Variants in GAS7 observed in about 807,000 individuals in gnomAD.
GAS7 encodes the protein growth arrest specific 7.
Under a neutral mutation model 71.1 loss-of-function variants are expected in GAS7, and 28 were observed. The ratio of observed to expected loss-of-function variants is 0.39; its 90% confidence interval spans 0.29 to 0.54. The LOEUF (loss-of-function observed/expected upper bound fraction) is 0.54, where lower values mean the gene tolerates loss of function less well. GAS7 is among the 20% of genes least tolerant of loss of function. GAS7 has a pLI of 0.62. For synonymous variants in GAS7, 258 were observed against 245.8 expected, an observed-to-expected ratio of 1.05 and a Z score of -0.46; for missense variants, 436 against 627.8, an observed-to-expected ratio of 0.69 and a Z score of 3.27.
Position 10,092,982 on chromosome 17 carries a change from G to A in GAS7, c.184-73085C>T, listed in dbSNP as rs575170872. Reference sequence around the variant, plus strand: ...TAACTTAACCACATCTGCAAAATCCGTCTTGCCATATAAGGTAAGTTCACA... The same window carrying A: ...TAACTTAACCACATCTGCAAAATCCATCTTGCCATATAAGGTAAGTTCACA... On this transcript the variant is annotated intron_variant, in intron 1 of 13. Transcript: ENST00000432992. Among the ~76,000 whole-genome samples, 30 of 152,212 alleles carry A rather than the reference G, an allele frequency of 2.0e-4. No homozygotes were observed. The South Asian group carries it at 3.1e-3, about 16-fold the overall frequency.
At chr17:10,184,731 G>T (rs187006061) in intron 1 of GAS7, among the ~76,000 whole-genome samples, 1 of 152,222 alleles carries the variant, frequency 6.6e-6, no homozygotes, top group African/African-American at 2.4e-5. Context: ...TATTCATAAT[G>T]AGCCCATTTG....
At chr17:9,948,647 C>T (rs961051262) in intron 5 of GAS7, among the ~76,000 whole-genome samples, 1 of 151,720 alleles carries the variant, frequency 6.6e-6, no homozygotes, top group African/African-American at 2.4e-5. Context: ...TGTGCCATTG[C>T]ACTCCAGCCT....
chr17:10,194,518 C>A (rs1567628169), intron 1 of GAS7, among the ~76,000 whole-genome samples: 1 of 152,202 alleles, frequency 6.6e-6, no homozygotes. Flanking sequence ...ATTTCTCAGC[C>A]TTGATGTACC....
chr17:9,996,616 T>C (rs1174990995), intron 2 of GAS7, among the ~76,000 whole-genome samples: 5 of 149,726 alleles, frequency 3.3e-5, no homozygotes, highest in Admixed American at 6.6e-5. Context: ...TGTGTATATA[T>C]ACACACATAT....
chr17:9,923,351 A>G (rs750554072), intron 11 of GAS7, among the ~76,000 whole-genome samples: 2 of 151,158 alleles, frequency 1.3e-5, no homozygotes, highest in African/African-American at 2.4e-5. Context: ...GTACAGAAAA[A>G]CAGCAAGAAA....
intron 1 of GAS7, among the ~76,000 whole-genome samples, chr17:10,142,992 G>A (rs913367503): frequency 2.1e-5 from 3 of 144,928 alleles, no homozygotes; most frequent in South Asian, 2.2e-4. Flanking sequence ...CCAACATGGC[G>A]AAACCCCATC....
chr17:9,944,816 C>T (rs1015642832), intron 6 of GAS7, among the ~76,000 whole-genome samples: 1 of 152,208 alleles, frequency 6.6e-6, no homozygotes, highest in Admixed American at 6.5e-5. Context: ...GGAAAATTAT[C>T]CAAATACTGA....
At chr17:10,003,224 G>T (rs2071340344) in intron 2 of GAS7, among the ~76,000 whole-genome samples, 1 of 152,154 alleles carries the variant, frequency 6.6e-6, no homozygotes, top group Non-Finnish European at 1.5e-5. Flanking sequence ...AAACAGAGGA[G>T]CCTGGGGGTT....
chr17:9,968,352 G>T (rs565516148), intron 4 of GAS7, among the ~76,000 whole-genome samples: 1 of 152,094 alleles, frequency 6.6e-6, no homozygotes, highest in Non-Finnish European at 1.5e-5. Context: ...GCGTCACCTC[G>T]GAGCTGGCTG....
chr17:10,045,891 A>T (rs1433662603), intron 1 of GAS7, among the ~76,000 whole-genome samples: 1 of 152,104 alleles, frequency 6.6e-6, no homozygotes, highest in Admixed American at 6.6e-5. Flanking sequence ...ATTTTTTTCG[A>T]ACTGACTTAT....
chr17:10,193,940 T>C (rs577021165), intron 1 of GAS7, among the ~76,000 whole-genome samples: 39 of 152,286 alleles, frequency 2.6e-4, no homozygotes, highest in African/African-American at 7.0e-4. Flanking sequence ...TACATGGCAA[T>C]AGATAAAACA....
At chr17:10,161,033 CT>C (rs2074251914) in intron 1 of GAS7, among the ~76,000 whole-genome samples, 1 of 151,908 alleles carries the variant, frequency 6.6e-6, no homozygotes, top group African/African-American at 2.4e-5. Flanking sequence ...TCAAGAGTGT[CT>C]GGCCTTCAGT....
chr17:10,102,069 A>C (rs927610752), intron 1 of GAS7, among the ~76,000 whole-genome samples: 1 of 152,142 alleles, frequency 6.6e-6, no homozygotes, highest in African/African-American at 2.4e-5. Flanking sequence ...GTCATTGTTT[A>C]GCTCAGAGAT....
intron 1 of GAS7, among the ~76,000 whole-genome samples, chr17:10,183,697 C>T (rs1345619121): frequency 6.6e-6 from 1 of 152,170 alleles, no homozygotes; most frequent in African/African-American, 2.4e-5. Flanking sequence ...AAAAAATTAG[C>T]CGGGCGTGGT....
chr17:10,054,779 G>A (rs779058873), intron 1 of GAS7, among the ~76,000 whole-genome samples: 2 of 152,174 alleles, frequency 1.3e-5, no homozygotes, highest in African/African-American at 2.4e-5. Flanking sequence ...CAGCTTCCAC[G>A]GGATCTGTGA....
intron 1 of GAS7, among the ~76,000 whole-genome samples, chr17:10,063,590 C>A (rs975083134): frequency 3.3e-5 from 5 of 152,178 alleles, no homozygotes; most frequent in African/African-American, 1.2e-4. Flanking sequence ...GGGCAGAGTG[C>A]ATACACTTAA....
intron 8 of GAS7, among the ~76,000 whole-genome samples, chr17:9,938,752 T>C (rs1482979339): frequency 2.0e-5 from 3 of 152,086 alleles, no homozygotes; most frequent in Non-Finnish European, 2.9e-5. Context: ...GGAAACCCGG[T>C]AACTTTTAAG....
intron 1 of GAS7, among the ~76,000 whole-genome samples, chr17:10,046,866 G>C (rs1177886525): frequency 7.9e-6 from 1 of 127,014 alleles, no homozygotes; most frequent in Non-Finnish European, 1.6e-5. Context: ...AAAGAAAAAA[G>C]AAAAGAAAAG....
rs554530800 is a variant in GAS7 at position 10,026,841 on chromosome 17, T to A, written c.184-6944A>T. 6.0e-4 allele frequency among the ~76,000 whole-genome samples: 92 copies of A among 152,314 alleles called. No homozygotes were observed. The highest frequency in any genetic ancestry group is 1.1e-3 in the Non-Finnish European group (73 of 68,016). ...AGACACAAATCATGCAACAGTGACA[T>A]CACCAGCCCCAGAGTCTGTCTCTAA... On this transcript the variant is annotated intron_variant, in intron 1 of 13. Transcript: ENST00000432992. This position sits in a 1 kb window ranked among gnomAD's most constrained non-coding sequence, Gnocchi z 4.5.
Sources: gnomAD v4.1 joint callset for allele counts (sites outside exome capture counted in the v4.1 genomes callset) on GRCh38, gnomAD v4.1.1 for gene constraint, Gnocchi (gnomAD v3.1) non-coding constraint, MANE v1.5 for transcripts, NCBI Gene and HGNC (gene_info 2026-07-23, HGNC 2026-07-21) for gene names.